Variants in CSMD2 observed in about 807,000 individuals in gnomAD.
CSMD2 encodes the protein CUB and Sushi multiple domains 2, also known as CUB and sushi domain-containing protein 2.
CSMD2 carries 130 observed loss-of-function variants against 398.5 expected under a neutral mutation model. That is an observed-to-expected ratio of 0.33 (90% CI 0.28 to 0.38). The LOEUF is 0.38. Among genes scored for constraint, CSMD2 ranks in the 10% least tolerant of loss-of-function variants. The pLI is 1.00. For missense variants in CSMD2, 3,829 were observed against 4,764.9 expected (o/e 0.80, Z 5.78); for synonymous variants, 1,828 against 1,908.5 (o/e 0.96, Z 1.10).
rs529088182 is a variant in CSMD2, at chr1:34,059,585, C to T, written c.405-26879G>A. ...GAGATGGGAATCTGTGTATTTTGTTCCCCCACTGTTTTTGCGATGCCTGTT... is the reference window on the plus strand; with the variant it reads ...GAGATGGGAATCTGTGTATTTTGTTTCCCCACTGTTTTTGCGATGCCTGTT... On this transcript the variant is annotated intron_variant, in intron 2 of 70. Transcript: ENST00000373381. 5.3e-5 allele frequency among the ~76,000 whole-genome samples: 8 copies of T among 152,240 alleles called. No homozygotes were observed. The East Asian group carries it at 1.5e-3, about 29-fold the overall frequency.
At chr1:33,771,954 C>A (rs962388515) in intron 13 of CSMD2, among the ~76,000 whole-genome samples, 1 of 152,204 alleles carries the variant, frequency 6.6e-6, no homozygotes. Flanking sequence ...ATTTGTGCTG[C>A]AAAGTATGGT....
intron 4 of CSMD2, among the ~76,000 whole-genome samples, chr1:33,928,172 C>G (rs1224296465): frequency 6.6e-6 from 1 of 152,206 alleles, no homozygotes; most frequent in East Asian, 1.9e-4. Flanking sequence ...GGGTGGTGGT[C>G]AAGATCATGG....
intron 41 of CSMD2, among the ~76,000 whole-genome samples, chr1:33,609,948 AC>A (rs1264145097): frequency 1.3e-5 from 2 of 152,234 alleles, no homozygotes; most frequent in Non-Finnish European, 2.9e-5. Flanking sequence ...TTGGTGGCCC[AC>A]CCTCCTAAAT....
At position 33,674,552 on chromosome 1, in the gene CSMD2, G is replaced by C. The variant is rs546037757; in HGVS notation, c.4053-11460C>G. Among the ~76,000 whole-genome samples the C allele has an allele frequency of 3.9e-5, 6 of 152,262 alleles. No individual in the cohort carries two copies. The South Asian group carries it at 1.2e-3, about 32-fold the overall frequency. Reference sequence around the variant, plus strand: ...CTGTCAACATTAGACAGATCAACAAGACAGAAAGTTAACAAGGATATCCAG... The same window carrying C: ...CTGTCAACATTAGACAGATCAACAACACAGAAAGTTAACAAGGATATCCAG... On this transcript the variant is annotated intron_variant, in intron 25 of 70. Transcript: ENST00000373381.
At chr1:33,689,815 A>G (rs1645175481) in intron 25 of CSMD2, among the ~76,000 whole-genome samples, 1 of 152,256 alleles carries the variant, frequency 6.6e-6, no homozygotes, top group Admixed American at 6.5e-5. Context: ...AAGGAAAACA[A>G]AAGGATGGAA....
At chr1:33,521,424 C>T (rs1557475196) in intron 68 of CSMD2, 39 bp downstream of exon 68, 2 of 1,043,218 alleles carry the variant, frequency 1.9e-6, no homozygotes, top group Non-Finnish European at 3.0e-6. Context: ...CTCTCCCACC[C>T]ACCCGGGCCC....
rs1022137715 is a variant in CSMD2 at position 33,548,676 on chromosome 1, C to G, written c.8917+1501G>C. On this transcript the variant is annotated intron_variant, in intron 56 of 70. Transcript: ENST00000373381. Reference sequence around the variant, plus strand: ...CTGTGGTATATACCTAATGTTACTTCCTAATTGCCTATTCTTCTCATCCCT... The same window carrying G: ...CTGTGGTATATACCTAATGTTACTTGCTAATTGCCTATTCTTCTCATCCCT... Among the ~76,000 whole-genome samples the G allele has an allele frequency of 2.6e-5, 4 of 152,184 alleles. No individual in the cohort carries two copies. The South Asian group carries it at 8.3e-4, about 32-fold the overall frequency.
At chr1:34,048,073 A>G (rs1457312970) in intron 2 of CSMD2, among the ~76,000 whole-genome samples, 2 of 152,204 alleles carry the variant, frequency 1.3e-5, no homozygotes, top group East Asian at 3.9e-4. Flanking sequence ...AGTATCCAGC[A>G]CCACGTGTCA....
intron 2 of CSMD2, among the ~76,000 whole-genome samples, chr1:34,076,693 T>C (rs1656368839): frequency 6.6e-6 from 1 of 152,020 alleles, no homozygotes; most frequent in Admixed American, 6.6e-5. Flanking sequence ...TATCTCATCA[T>C]AATTAAAGCA....
intron 28 of CSMD2, among the ~76,000 whole-genome samples, chr1:33,650,590 C>A (rs1643705007): frequency 6.6e-6 from 1 of 152,074 alleles, no homozygotes; most frequent in African/African-American, 2.4e-5. Flanking sequence ...GAGAGGTAGG[C>A]AAGCACCAGA....
At position 34,163,134 on chromosome 1, in the gene CSMD2, A is replaced by G. The variant is rs191832507; in HGVS notation, c.187+1777T>C. ...GGCAGGGACAAATCTAGCCAGAAAA[A>G]CAATTCAGTCCGATGCCGAGACATT... On this transcript the variant is annotated intron_variant, in intron 1 of 70. Transcript: ENST00000373381. This position sits in a 1 kb window ranked among gnomAD's most constrained non-coding sequence, Gnocchi z 5.4. 2.7e-3 allele frequency among the ~76,000 whole-genome samples: 413 copies of G among 152,354 alleles called. 4 individuals are homozygous for G. The highest frequency in any genetic ancestry group is 9.3e-3 in the African/African-American group (388 of 41,594).
intron 25 of CSMD2, among the ~76,000 whole-genome samples, chr1:33,683,697 T>C (rs1439735516): frequency 6.6e-6 from 1 of 152,250 alleles, no homozygotes; most frequent in Non-Finnish European, 1.5e-5. Context: ...AAAAACTGAA[T>C]GGCCGGAGAG....
rs1178379226 is a variant in CSMD2, at chr1:33,790,689, ATCTATCTATCTATCATCTATCTG to A, written c.1550+1711_1550+1733del. 7.8e-4 allele frequency among the ~76,000 whole-genome samples: 104 copies of A among 133,898 alleles called. 2 individuals carry two copies. In the Middle Eastern group the frequency reaches 0.014, roughly 19 times the overall value. The allele number at this position is 133,898 out of a possible 152,430, so 87.8% of individuals were successfully genotyped here. On this transcript the variant is annotated intron_variant, in intron 11 of 70. Coordinates refer to ENST00000373381, the MANE Select transcript of CSMD2 (RefSeq NM_001281956.2). Reference sequence around the variant, plus strand: ...TATCTATCTATCTATCTATCTATCTATCTATCTATCTATCATCTATCTGTCTATCATCTATCAATCATCTATCA... The same window carrying A: ...TATCTATCTATCTATCTATCTATCTATCTATCATCTATCAATCATCTATCA...
intron 44 of CSMD2, among the ~76,000 whole-genome samples, chr1:33,590,290 TA>T (rs1291544751): frequency 2.3e-4 from 29 of 124,260 alleles, no homozygotes; most frequent in East Asian, 4.9e-4. Flanking sequence ...CCTGGCTAAT[TA>T]AAATTTTTTT....
intron 5 of CSMD2, among the ~76,000 whole-genome samples, chr1:33,861,843 C>G (rs1421262209): frequency 6.6e-6 from 1 of 152,142 alleles, no homozygotes; most frequent in Admixed American, 6.5e-5. Context: ...CTTATGAGGA[C>G]CAGTGACCTT....
At chr1:33,737,838 G>C (rs1024134063) in intron 15 of CSMD2, among the ~76,000 whole-genome samples, 11 of 152,210 alleles carry the variant, frequency 7.2e-5, no homozygotes, top group Non-Finnish European at 1.0e-4. Context: ...TGGAGTTTAC[G>C]TGACAGTGAA....
At position 33,577,325 on chromosome 1, in the gene CSMD2, A is replaced by T. The variant is rs754544882; in HGVS notation, c.7547T>A (p.Leu2516Gln). The T allele has an allele frequency of 8.1e-5, 131 of 1,612,590 alleles. No homozygotes were observed. Among genetic ancestry groups the T allele is most frequent in the Non-Finnish European group, 1.1e-4 (129 of 1,179,164 alleles). ...ACAGAGAGGGATGGCTTCGCTCCAC[A>T]GGTGGTAGCCCTGGGGGTGCCGGGT... The part of the protein sequence containing the change: ...ICTRHPQGYH[L>Q]WSEAIPLCQA... The change falls in exon 49 of 71, where the codon CTG becomes CAG. Residue 2516 changes from leucine (L) to glutamine (Q), a missense_variant. Coordinates refer to ENST00000373381, the MANE Select transcript of CSMD2 (RefSeq NM_001281956.2).
rs1386084415 is a variant in CSMD2, at chr1:33,700,602, A to G, written c.3648T>C (p.Thr1216=). The G allele has an allele frequency of 1.2e-6, 2 of 1,614,222 alleles. No individual in the cohort carries two copies. The highest frequency in any genetic ancestry group is 1.3e-5 in the African/African-American group (1 of 75,066). Reference sequence around the variant, plus strand: ...ACAGACTGCTGGATGTGCTGTTCAAAGTCACCCCCATCATCTCAGAATGGC... The same window carrying G: ...ACAGACTGCTGGATGTGCTGTTCAAGGTCACCCCCATCATCTCAGAATGGC... ...VFSHSEMMGV[T]LNSTSSSLWL... The change falls in exon 23 of 71, where the codon ACT becomes ACC. Residue 1216 remains threonine (T), a synonymous_variant. Coordinates refer to ENST00000373381, the MANE Select transcript of CSMD2 (RefSeq NM_001281956.2).
chr1:33,944,230 G>A (rs992445853), intron 3 of CSMD2, among the ~76,000 whole-genome samples: 3 of 146,862 alleles, frequency 2.0e-5, no homozygotes, highest in East Asian at 2.0e-4. Context: ...TCTCAGGAAC[G>A]CCCCCCCCCC....
Sources: allele counts gnomAD v4.1 joint callset (sites outside exome capture counted in the v4.1 genomes callset), GRCh38; gene constraint gnomAD v4.1.1; non-coding constraint Gnocchi (gnomAD v3.1); transcripts MANE v1.5; gene names NCBI Gene and HGNC (gene_info 2026-07-23, HGNC 2026-07-21).